PWWP2B: variants seen among roughly 807,000 people sequenced by gnomAD.
PWWP2B encodes PWWP domain-containing protein 2B.
In PWWP2B, 9 loss-of-function variants were observed where a neutral mutation model predicts 15.5. The ratio of observed to expected loss-of-function variants is 0.58; its 90% CI spans 0.35 to 1.02. PWWP2B has a LOEUF of 1.02. Ranked by LOEUF, PWWP2B falls within the 50% of genes least tolerant of loss-of-function variation. PWWP2B has a pLI of 0.02. For missense variants in PWWP2B, 864 were observed against 865.3 expected (o/e 1.00, Z 0.02); for synonymous variants, 474 against 403.6 (o/e 1.17, Z -2.09).
intron 2 of PWWP2B, among the ~76,000 whole-genome samples, chr10:132,410,003 T>C (rs2069756701): frequency 6.6e-6 from 1 of 152,146 alleles, no homozygotes; most frequent in African/African-American, 2.4e-5. Flanking sequence ...GCACAGACTC[T>C]GGGTGCTGTT....
chr10:132,412,936 G>A (rs2069800903), intron 2 of PWWP2B, among the ~76,000 whole-genome samples: 1 of 152,258 alleles, frequency 6.6e-6, no homozygotes. Flanking sequence ...CTCAGACGGT[G>A]CCATCTTGGG....
Position 132,405,700 on chromosome 10 carries a change from A to T in PWWP2B, c.1200A>T (p.Gly400=), listed in dbSNP as rs1445730880. ...AGAGCTGTCCCCAGGGTCCACAGGG[A>T]CGCGAGGGCTTGGCTTTTCTCGTCA... ...DFKSCPQGPQ[G]REGLAFLVSC... Residue 400 remains glycine (G), a synonymous_variant, in exon 2 of 3, where the codon GGA becomes GGT. Transcript: ENST00000305233. The T allele has an allele frequency of 1.9e-6, 3 of 1,612,066 alleles. No homozygotes were observed. Among genetic ancestry groups the T allele is most frequent in the Non-Finnish European group, 1.7e-6 (2 of 1,179,886 alleles).
intron 2 of PWWP2B, among the ~76,000 whole-genome samples, chr10:132,412,653 G>A (rs1399065788): frequency 6.6e-6 from 1 of 152,212 alleles, no homozygotes; most frequent in Non-Finnish European, 1.5e-5. Context: ...GAGGGATTAC[G>A]AGGTGCTGGC....
rs757688889 is a variant in PWWP2B, at chr10:132,417,070, G to A, written c.*26G>A. ...TTTGCTTTCCCCCAAGGTCACCGAC[G>A]ATGAGGGCGCACCTGCTGTCCTGGA... On this transcript the variant is annotated 3_prime_UTR_variant, in exon 3 of 3. Transcript: ENST00000305233. The A allele has an allele frequency of 5.6e-6, 9 of 1,613,714 alleles. No individual in the cohort carries two copies. The highest frequency in any genetic ancestry group is 4.5e-5 in the East Asian group (2 of 44,860).
intron 1 of PWWP2B, among the ~76,000 whole-genome samples, chr10:132,398,892 G>A (rs1228179960): frequency 1.3e-5 from 2 of 152,162 alleles, no homozygotes; most frequent in Non-Finnish European, 2.9e-5. Context: ...TGTCCTTGTG[G>A]GGAATCTGAA....
intron 2 of PWWP2B, among the ~76,000 whole-genome samples, chr10:132,408,382 T>C (rs967887439): frequency 2.0e-5 from 3 of 152,174 alleles, no homozygotes; most frequent in African/African-American, 7.2e-5. Flanking sequence ...GTAGGGGAAA[T>C]GCGGGGGTAC....
At chr10:132,415,330 CCA>C (rs1491034948) in intron 2 of PWWP2B, among the ~76,000 whole-genome samples, 4 of 137,322 alleles carry the variant, frequency 2.9e-5, no homozygotes, top group Admixed American at 8.1e-5. Context: ...ACACACCCCC[CCA>C]CACACATATC....
intron 1 of PWWP2B, among the ~76,000 whole-genome samples, chr10:132,403,597 G>A (rs774138248): frequency 2.0e-5 from 3 of 152,218 alleles, no homozygotes; most frequent in Non-Finnish European, 4.4e-5. Context: ...CCCGTGCAGC[G>A]AGGTGGCCTG....
At chr10:132,398,557 G>A (rs1366297161) in intron 1 of PWWP2B, among the ~76,000 whole-genome samples, 53 of 152,248 alleles carry the variant, frequency 3.5e-4, no homozygotes, top group Admixed American at 3.3e-3. Flanking sequence ...CCTGAAGAGG[G>A]GCACGAGCGG....
intron 2 of PWWP2B, 137 bp from the exon 3 acceptor site, chr10:132,416,924 G>T: frequency 1.2e-6 from 1 of 852,756 alleles, no homozygotes; most frequent in Non-Finnish European, 2.0e-6. Context: ...GGGCCGGCAG[G>T]AGCTGGGGGG....
chr10:132,410,477 C>T (rs1292096555), intron 2 of PWWP2B, among the ~76,000 whole-genome samples: 3 of 152,012 alleles, frequency 2.0e-5, no homozygotes, highest in East Asian at 1.9e-4. Context: ...AGGAGGGTGG[C>T]GGAGAGTGGG....
intron 1 of PWWP2B, among the ~76,000 whole-genome samples, chr10:132,401,008 T>A (rs2133146876): frequency 6.6e-6 from 1 of 152,342 alleles, no homozygotes; most frequent in Non-Finnish European, 1.5e-5. Flanking sequence ...GCCAGGGCTG[T>A]GCTCCTCCCG....
At chr10:132,413,769 C>T (rs2069811456) in intron 2 of PWWP2B, among the ~76,000 whole-genome samples, 1 of 152,252 alleles carries the variant, frequency 6.6e-6, no homozygotes, top group South Asian at 2.1e-4. Flanking sequence ...ACACCCAACT[C>T]CCTGGGGGGA....
intron 2 of PWWP2B, among the ~76,000 whole-genome samples, chr10:132,412,014 G>A (rs2069788060): frequency 6.6e-6 from 1 of 152,268 alleles, no homozygotes; most frequent in African/African-American, 2.4e-5. Flanking sequence ...TTCTGAGCCT[G>A]CTGCAGGGGC....
At chr10:132,399,319 G>A (rs1330586189) in intron 1 of PWWP2B, among the ~76,000 whole-genome samples, 2 of 152,258 alleles carry the variant, frequency 1.3e-5, no homozygotes, top group Non-Finnish European at 2.9e-5. Context: ...GGGAACCTGT[G>A]GGTCCCAGCA....
chr10:132,415,138 G>C (rs1034129475), intron 2 of PWWP2B, among the ~76,000 whole-genome samples: 2 of 152,104 alleles, frequency 1.3e-5, no homozygotes, highest in South Asian at 2.1e-4. Flanking sequence ...TTAGACGTTA[G>C]TTAAGGGCTT....
intron 1 of PWWP2B, among the ~76,000 whole-genome samples, chr10:132,400,778 G>C (rs1238688415): frequency 6.6e-6 from 1 of 152,264 alleles, no homozygotes; most frequent in African/African-American, 2.4e-5. Flanking sequence ...GAGGCTGCCT[G>C]TTCCTGTTCC....
intron 2 of PWWP2B, among the ~76,000 whole-genome samples, chr10:132,410,691 G>A (rs2133161910): frequency 6.6e-6 from 1 of 152,266 alleles, no homozygotes; most frequent in Middle Eastern, 3.4e-3. Context: ...AGCTGTGAGG[G>A]CCGACGGGGC....
intron 2 of PWWP2B, among the ~76,000 whole-genome samples, chr10:132,415,652 C>T (rs1420888582): frequency 6.7e-6 from 1 of 149,948 alleles, no homozygotes; most frequent in African/African-American, 2.5e-5. Context: ...CACTCACACA[C>T]ACATGCACTC....
Sources: gnomAD v4.1 joint callset for allele counts (sites outside exome capture counted in the v4.1 genomes callset) on GRCh38, gnomAD v4.1.1 for gene constraint, MANE v1.5 for transcripts, NCBI Gene and HGNC (gene_info 2026-07-23, HGNC 2026-07-21) for gene names.